Variants in SNX25 observed in about 807,000 individuals in gnomAD.
SNX25 encodes the protein sorting nexin 25, also known as sorting nexin-25.
SNX25 carries 62 observed loss-of-function variants against 113.7 expected under a neutral mutation model. The observed-to-expected ratio is 0.55, with a 90% CI of 0.44 to 0.67. The LOEUF is 0.67. Among genes scored for constraint, SNX25 ranks in the 30% least tolerant of loss-of-function variants. The probability of loss-of-function intolerance (pLI) is 0.00; values close to 1 mark genes in which losing one functional copy is unlikely to be tolerated. For missense variants in SNX25, 1,014 were observed against 1,161.0 expected, an observed-to-expected ratio of 0.87 and a Z score of 1.84; for synonymous variants, 421 against 436.2, an observed-to-expected ratio of 0.97 and a Z score of 0.43.
intron 7 of SNX25, among the ~76,000 whole-genome samples, chr4:185,315,855 G>A (rs2095070051): frequency 6.6e-6 from 1 of 152,196 alleles, no homozygotes; most frequent in Non-Finnish European, 1.5e-5. Context: ...TCTCCTGACA[G>A]TGGGTCCTTA....
intron 7 of SNX25, among the ~76,000 whole-genome samples, chr4:185,313,402 T>G (rs1561000483): frequency 2.0e-5 from 3 of 152,268 alleles, no homozygotes; most frequent in East Asian, 3.9e-4. Flanking sequence ...AAGAGACCTT[T>G]AGAGTGTACA....
chr4:185,211,896 A>C (rs1579296514), intron 1 of SNX25, among the ~76,000 whole-genome samples: 1 of 152,264 alleles, frequency 6.6e-6, no homozygotes, highest in Admixed American at 6.5e-5. Flanking sequence ...ATTCCCGCAA[A>C]TCTCCCAGCT....
At chr4:185,328,739 A>T (rs1048294650) in intron 9 of SNX25, among the ~76,000 whole-genome samples, 2 of 152,174 alleles carry the variant, frequency 1.3e-5, no homozygotes, top group Non-Finnish European at 2.9e-5. Context: ...TCAAACATGG[A>T]GAAAGGGACA....
intron 15 of SNX25, among the ~76,000 whole-genome samples, chr4:185,356,438 A>C (rs992082002): frequency 6.6e-6 from 1 of 152,194 alleles, no homozygotes; most frequent in Non-Finnish European, 1.5e-5. Context: ...AGACATGCTC[A>C]TCCCAGCCTC....
intron 13 of SNX25, among the ~76,000 whole-genome samples, chr4:185,350,309 C>G (rs1233782461): frequency 6.6e-6 from 1 of 152,258 alleles, no homozygotes; most frequent in Non-Finnish European, 1.5e-5. Context: ...CCCCCACACT[C>G]TGTCATCAGA....
intron 1 of SNX25, among the ~76,000 whole-genome samples, chr4:185,220,705 C>A (rs201021683): frequency 3.9e-5 from 6 of 152,068 alleles, no homozygotes; most frequent in Non-Finnish European, 5.9e-5. Context: ...TGGTCTCGAT[C>A]TCCTGACCTT....
intron 1 of SNX25, among the ~76,000 whole-genome samples, chr4:185,219,118 G>A (rs575914452): frequency 1.3e-5 from 2 of 152,324 alleles, no homozygotes; most frequent in Non-Finnish European, 2.9e-5. Flanking sequence ...GACGTTCCCT[G>A]TTGGGGTACT....
intron 14 of SNX25, among the ~76,000 whole-genome samples, chr4:185,351,975 G>A (rs375828428): frequency 2.8e-4 from 42 of 152,268 alleles, no homozygotes; most frequent in African/African-American, 8.7e-4. Context: ...GCCGGAGGTC[G>A]TTGGCCTGGA....
At chr4:185,357,964 A>C (rs188680821) in intron 16 of SNX25, among the ~76,000 whole-genome samples, 1 of 152,348 alleles carries the variant, frequency 6.6e-6, no homozygotes, top group East Asian at 1.9e-4. Flanking sequence ...AGCTACTTCC[A>C]CACTCTGACT....
intron 1 of SNX25, among the ~76,000 whole-genome samples, chr4:185,242,454 C>T (rs1420448852): frequency 6.6e-6 from 1 of 152,176 alleles, no homozygotes; most frequent in African/African-American, 2.4e-5. Flanking sequence ...TGCCCATGAG[C>T]CCCCTTTGGG....
At chr4:185,215,792 C>CTTT (rs80171477) in intron 1 of SNX25, among the ~76,000 whole-genome samples, 1 of 140,538 alleles carries the variant, frequency 7.1e-6, no homozygotes, top group Non-Finnish European at 1.6e-5. Context: ...ACTTTAAATT[C>CTTT]TTTTTTTTTT....
At chr4:185,276,566 C>T (rs1209314041) in intron 5 of SNX25, among the ~76,000 whole-genome samples, 1 of 152,210 alleles carries the variant, frequency 6.6e-6, no homozygotes, top group Non-Finnish European at 1.5e-5. Context: ...CTAAAACAAC[C>T]TCAGAGCCAG....
intron 1 of SNX25, among the ~76,000 whole-genome samples, chr4:185,220,616 G>C (rs1432492345): frequency 6.6e-6 from 1 of 151,754 alleles, no homozygotes; most frequent in Non-Finnish European, 1.5e-5. Context: ...CAAGTAGCTG[G>C]GATAAGGGTG....
At chr4:185,314,461 A>G (rs749389838) in intron 7 of SNX25, among the ~76,000 whole-genome samples, 21 of 152,228 alleles carry the variant, frequency 1.4e-4, no homozygotes, top group Non-Finnish European at 2.8e-4. Context: ...CATACATTCA[A>G]AGGAGGCTAA....
chr4:185,230,851 A>G (rs906436683), intron 1 of SNX25, among the ~76,000 whole-genome samples: 1 of 152,166 alleles, frequency 6.6e-6, no homozygotes, highest in Non-Finnish European at 1.5e-5. Context: ...AATATAAGGG[A>G]ATAGTGTCTA....
chr4:185,267,529 A>G (rs1748297853), intron 5 of SNX25, among the ~76,000 whole-genome samples: 1 of 151,960 alleles, frequency 6.6e-6, no homozygotes, highest in Non-Finnish European at 1.5e-5. Context: ...TCAGGAGTTC[A>G]AGACCAGCGC....
In SNX25 at chr4:185,212,635, G is replaced by A. The variant is rs184851092; in HGVS notation, c.429+2380G>A. Among the ~76,000 whole-genome samples, 537 of 152,142 alleles carry A rather than the reference G, an allele frequency of 3.5e-3. 2 individuals are homozygous for A. The highest frequency in any genetic ancestry group is 6.4e-3 in the Non-Finnish European group (435 of 67,994). On this transcript the variant is annotated intron_variant, in intron 1 of 18. Coordinates refer to ENST00000652585, the MANE Select transcript of SNX25 (RefSeq NM_001378034.2). ...GCTAGAATTATCGGCGTGAGCCACC[G>A]TGCCTGGCTGTGTGTGCTTTTTAAA...
chr4:185,357,178 C>T (rs745314205), intron 15 of SNX25, among the ~76,000 whole-genome samples: 9 of 152,094 alleles, frequency 5.9e-5, no homozygotes, highest in East Asian at 1.9e-4. Context: ...CTCCCAAATG[C>T]GTAGTATATA....
rs139334648 is a variant in SNX25, at chr4:185,360,238, A to G, written c.2652-1686A>G. On this transcript the variant is annotated intron_variant, in intron 16 of 18. Transcript: ENST00000652585. ...TTAAACCACAAGTTCTGTTAAATCA[A>G]TAAACTTATTTTATATGGTCTAGAT... Among the ~76,000 whole-genome samples the G allele has an allele frequency of 1.7e-3, 259 of 152,358 alleles. 1 individual carries two copies. The highest frequency in any genetic ancestry group is 5.9e-3 in the African/African-American group (246 of 41,572).
Sources: gnomAD v4.1 joint callset for allele counts (sites outside exome capture counted in the v4.1 genomes callset) on GRCh38, gnomAD v4.1.1 for gene constraint, MANE v1.5 for transcripts, NCBI Gene and HGNC (gene_info 2026-07-23, HGNC 2026-07-21) for gene names.